The following RPRD2 variants were observed in gnomAD, a reference collection of about 807,000 sequenced individuals.
RPRD2 encodes regulation of nuclear pre-mRNA domain-containing protein 2.
A neutral mutation model predicts 104.4 loss-of-function variants in RPRD2; 12 were observed. The observed-to-expected ratio is 0.11, with a 90% confidence interval of 0.07 to 0.19. The LOEUF is 0.19. RPRD2 is among the 10% of genes least tolerant of loss of function. RPRD2 has a pLI of 1.00. For synonymous variants in RPRD2, 714 were observed against 684.9 expected, an observed-to-expected ratio of 1.04 and a Z score of -0.66; for missense variants, 1,543 against 1,790.1, an observed-to-expected ratio of 0.86 and a Z score of 2.49.
intron 1 of RPRD2, among the ~76,000 whole-genome samples, chr1:150,404,402 G>A (rs1572406356): frequency 6.6e-6 from 1 of 151,882 alleles, no homozygotes; most frequent in Non-Finnish European, 1.5e-5. Flanking sequence ...GCTTGCCACC[G>A]CATCCAGCTG....
At chr1:150,390,374 G>A (rs1661971484) in intron 1 of RPRD2, among the ~76,000 whole-genome samples, 1 of 152,104 alleles carries the variant, frequency 6.6e-6, no homozygotes, top group African/African-American at 2.4e-5. Context: ...GCACATGCCT[G>A]TAGTCTCCCT....
chr1:150,385,283 T>TA (rs1196167676), intron 1 of RPRD2, among the ~76,000 whole-genome samples: 1 of 151,692 alleles, frequency 6.6e-6, no homozygotes, highest in Non-Finnish European at 1.5e-5. Context: ...GCAACATATT[T>TA]AAGAGTCCAT....
At chr1:150,405,835 T>C (rs587768789) in intron 1 of RPRD2, among the ~76,000 whole-genome samples, 1 of 152,362 alleles carries the variant, frequency 6.6e-6, no homozygotes, top group South Asian at 2.1e-4. Flanking sequence ...ATCCATGCTG[T>C]TGACGCTTCC....
chr1:150,369,197 AC>A (rs1469692583), intron 1 of RPRD2, among the ~76,000 whole-genome samples: 1 of 152,226 alleles, frequency 6.6e-6, no homozygotes, highest in African/African-American at 2.4e-5. Context: ...GAAAGAAATT[AC>A]AGGTGCAGCA....
intron 1 of RPRD2, among the ~76,000 whole-genome samples, chr1:150,414,809 A>G (rs1664215594): frequency 6.6e-6 from 1 of 152,206 alleles, no homozygotes; most frequent in African/African-American, 2.4e-5. Context: ...GCAATAAAAG[A>G]GTGGCTCCTA....
intron 1 of RPRD2, among the ~76,000 whole-genome samples, chr1:150,404,079 G>T (rs1460493961): frequency 6.6e-6 from 1 of 152,124 alleles, no homozygotes; most frequent in African/African-American, 2.4e-5. Context: ...TAACCCTATT[G>T]ACTCCAGGAG....
At chr1:150,429,415 C>T (rs1665401511) in intron 2 of RPRD2, among the ~76,000 whole-genome samples, 1 of 151,896 alleles carries the variant, frequency 6.6e-6, no homozygotes, top group African/African-American at 2.4e-5. Context: ...AGTACAGTGG[C>T]ACGATCACGG....
chr1:150,369,420 C>A (rs1186415791), intron 1 of RPRD2, among the ~76,000 whole-genome samples: 6 of 144,796 alleles, frequency 4.1e-5, no homozygotes, highest in Non-Finnish European at 9.0e-5. Context: ...GTAGCTGGAA[C>A]CATGCCACCA....
chr1:150,383,776 C>T (rs1553881257), intron 1 of RPRD2, among the ~76,000 whole-genome samples: 2 of 152,094 alleles, frequency 1.3e-5, no homozygotes, highest in Non-Finnish European at 2.9e-5. Flanking sequence ...CATAGGACAT[C>T]CCCACACATG....
At chr1:150,439,137 C>A (rs993008603) in intron 2 of RPRD2, among the ~76,000 whole-genome samples, 1 of 152,094 alleles carries the variant, frequency 6.6e-6, no homozygotes, top group Non-Finnish European at 1.5e-5. Context: ...CCGGCCGTAT[C>A]TAAACATTAT....
chr1:150,429,139 T>G (rs1665380003), intron 2 of RPRD2, among the ~76,000 whole-genome samples: 1 of 151,182 alleles, frequency 6.6e-6, no homozygotes, highest in Admixed American at 6.6e-5. Context: ...GTTGCCCAGG[T>G]TGGAGTGCAG....
At chr1:150,448,990 C>T (rs1305253044) in intron 7 of RPRD2, among the ~76,000 whole-genome samples, 2 of 152,122 alleles carry the variant, frequency 1.3e-5, no homozygotes, top group Non-Finnish European at 2.9e-5. Flanking sequence ...TTAGGCTGGG[C>T]ACAGTGGCTC....
chr1:150,442,700 A>G (rs782526726), intron 4 of RPRD2, among the ~76,000 whole-genome samples: 13 of 152,226 alleles, frequency 8.5e-5, no homozygotes, highest in Admixed American at 2.6e-4. Flanking sequence ...GCTTAGGAAC[A>G]ACAGGAGTCG....
At chr1:150,413,913 G>A (rs192152100) in intron 1 of RPRD2, among the ~76,000 whole-genome samples, 2,581 of 151,472 alleles carry the variant, frequency 0.017, 27 homozygotes, top group Middle Eastern at 0.044. Flanking sequence ...CAACAAGAGC[G>A]AAACTCCATC....
chr1:150,421,164 A>C (rs879966091), intron 2 of RPRD2, among the ~76,000 whole-genome samples: 4 of 152,208 alleles, frequency 2.6e-5, no homozygotes, highest in Non-Finnish European at 4.4e-5. Flanking sequence ...AAGATAACTC[A>C]GCTAAATAGC....
In RPRD2 at chr1:150,470,780, T is replaced by A. The variant is rs767340916; in HGVS notation, c.1832T>A (p.Ile611Asn). The change falls in exon 11 of 11, where the codon ATT (isoleucine) becomes AAT (asparagine). Residue 611 changes from isoleucine (I) to asparagine (N), a missense_variant. Ile to Asn is a moderately radical substitution (Grantham distance 149). This residue lies in a region of RPRD2 where 572 missense variants were observed against 787.3 expected (regional missense o/e 0.73). Transcript: ENST00000369068. Reference sequence around the variant, plus strand: ...TCAACTTCAGCCAGCAAGGCCTCAATTGGGCAAAGCCCAGGGCTCCCAAGC... The same window carrying A: ...TCAACTTCAGCCAGCAAGGCCTCAAATGGGCAAAGCCCAGGGCTCCCAAGC... Reference protein sequence around the residue: ...VSSTSASKASIGQSPGLPSTT... With the variant: ...VSSTSASKASNGQSPGLPSTT... 3 of 1,614,056 alleles carry A rather than the reference T, an allele frequency of 1.9e-6. No individual in the cohort carries two copies. In the Admixed American group the frequency reaches 5.0e-5, roughly 27 times the overall value.
intron 2 of RPRD2, among the ~76,000 whole-genome samples, chr1:150,418,607 CA>C (rs1160318351): frequency 1.3e-5 from 2 of 152,132 alleles, no homozygotes. Flanking sequence ...GTTCTGTGCT[CA>C]AAAAAGTTTA....
intron 1 of RPRD2, among the ~76,000 whole-genome samples, chr1:150,369,279 CT>C (rs1360754854): frequency 6.6e-6 from 1 of 151,888 alleles, no homozygotes; most frequent in Non-Finnish European, 1.5e-5. Context: ...TTCTTTCTCT[CT>C]TTTCTGTGGG....
rs115376833 is a variant in RPRD2 at position 150,437,393 on chromosome 1, C to G, written c.336-3530C>G. ...TGCCTGCAGTCCCAGCTACCATGAT[C>G]AGTCATCATCAAGGCAAGACCCTCC... is the stretch of plus-strand genomic sequence containing the variant. On this transcript the variant is annotated intron_variant, in intron 2 of 10. Coordinates refer to ENST00000369068, the MANE Select transcript of RPRD2 (RefSeq NM_015203.5). Among the ~76,000 whole-genome samples, 1,283 of 152,206 alleles carry G rather than the reference C, an allele frequency of 8.4e-3. 25 individuals are homozygous for G. The highest frequency in any genetic ancestry group is 0.03 in the African/African-American group (1,226 of 41,512).
Sources: allele counts gnomAD v4.1 joint callset (sites outside exome capture counted in the v4.1 genomes callset), GRCh38; gene constraint gnomAD v4.1.1; regional missense constraint gnomAD v4.1.1; transcripts MANE v1.5; gene names NCBI Gene and HGNC (gene_info 2026-07-23, HGNC 2026-07-21).